CHODL: variants seen among roughly 807,000 people sequenced by gnomAD.
CHODL encodes the protein transmembrane protein MT75.
In CHODL, 29 loss-of-function variants were observed where a neutral mutation model predicts 34.5. The observed-to-expected ratio is 0.84, with a 90% CI of 0.63 to 1.15. CHODL has a LOEUF of 1.15. CHODL is among the 50% of genes most tolerant of loss of function. CHODL has a pLI of 0.00. For missense variants in CHODL, 332 were observed against 332.5 expected (o/e 1.00, Z 0.01); for synonymous variants, 125 against 116.1 (o/e 1.08, Z -0.49).
chr21:18,015,797 A>T (rs1314661612), intron 1 of CHODL, among the ~76,000 whole-genome samples: 1 of 152,228 alleles, frequency 6.6e-6, no homozygotes, highest in African/African-American at 2.4e-5. Context: ...GACTGGCAGC[A>T]TTGTGCCCCT....
chr21:17,948,689 A>G (rs1385017646), intron 1 of CHODL, among the ~76,000 whole-genome samples: 1 of 152,174 alleles, frequency 6.6e-6, no homozygotes, highest in Non-Finnish European at 1.5e-5. Context: ...CATACAATCT[A>G]TCAAGACTGA....
chr21:17,934,294 T>C (rs1163204445), intron 1 of CHODL, among the ~76,000 whole-genome samples: 2 of 149,800 alleles, frequency 1.3e-5, no homozygotes, highest in Non-Finnish European at 3.0e-5. Flanking sequence ...TGAAAGAAAA[T>C]ATATCACAAA....
chr21:17,961,640 G>C (rs533605479), intron 1 of CHODL, among the ~76,000 whole-genome samples: 4 of 152,322 alleles, frequency 2.6e-5, no homozygotes, highest in Admixed American at 2.6e-4. Flanking sequence ...CACAGTTCCT[G>C]AATGGTGATT....
At chr21:18,157,811 C>A (rs1365514330) in intron 2 of CHODL, among the ~76,000 whole-genome samples, 1 of 151,852 alleles carries the variant, frequency 6.6e-6, no homozygotes, top group Non-Finnish European at 1.5e-5. Flanking sequence ...TGACATATAC[C>A]AAATGGTCAT....
At chr21:18,115,878 C>G (rs1231296603) in intron 2 of CHODL, among the ~76,000 whole-genome samples, 1 of 152,158 alleles carries the variant, frequency 6.6e-6, no homozygotes, top group African/African-American at 2.4e-5. Context: ...TCCCACTCTG[C>G]TACAACTGCT....
intron 1 of CHODL, among the ~76,000 whole-genome samples, chr21:18,020,546 CAATTT>C (rs1289373381): frequency 6.6e-6 from 1 of 152,072 alleles, no homozygotes; most frequent in Non-Finnish European, 1.5e-5. Flanking sequence ...GAGATGAAAA[CAATTT>C]AATCTCTCAA....
chr21:18,195,332 G>A (rs1225874773), intron 2 of CHODL, among the ~76,000 whole-genome samples: 3 of 152,186 alleles, frequency 2.0e-5, no homozygotes, highest in Non-Finnish European at 4.4e-5. Flanking sequence ...GGGATTACAG[G>A]CGTGAGCCAC....
At chr21:18,129,710 A>G (rs931524086) in intron 2 of CHODL, among the ~76,000 whole-genome samples, 1 of 152,200 alleles carries the variant, frequency 6.6e-6, no homozygotes, top group African/African-American at 2.4e-5. Flanking sequence ...GATATTTATC[A>G]AATTCTCCCT....
intron 2 of CHODL, among the ~76,000 whole-genome samples, chr21:18,174,143 A>ATATATATCTTGG (rs2073272270): frequency 8.3e-6 from 1 of 120,846 alleles, no homozygotes; most frequent in Non-Finnish European, 1.8e-5. Context: ...ATATATATAT[A>ATATATATCTTGG]TATATATATA....
At chr21:17,986,729 G>GAATC in intron 1 of CHODL, among the ~76,000 whole-genome samples, 1 of 152,282 alleles carries the variant, frequency 6.6e-6, no homozygotes, top group South Asian at 2.1e-4. Flanking sequence ...GGTCCTTGAG[G>GAATC]AATCGCCACA....
At chr21:18,082,002 T>C (rs1394911922) in intron 2 of CHODL, among the ~76,000 whole-genome samples, 1 of 152,200 alleles carries the variant, frequency 6.6e-6, no homozygotes, top group Non-Finnish European at 1.5e-5. Context: ...CTGGAATAAA[T>C]CCCACCTGAT....
chr21:18,092,918 T>A (rs1429947503), intron 2 of CHODL, among the ~76,000 whole-genome samples: 1 of 152,074 alleles, frequency 6.6e-6, no homozygotes, highest in African/African-American at 2.4e-5. Context: ...GGTGGGAAAT[T>A]TATTCAAAGG....
At chr21:18,053,568 CA>C (rs2064542259) in intron 2 of CHODL, among the ~76,000 whole-genome samples, 1 of 151,926 alleles carries the variant, frequency 6.6e-6, no homozygotes, top group South Asian at 2.1e-4. Context: ...TTGATTCTAT[CA>C]AACTTTCAAG....
chr21:18,122,581 A>G (rs887438021), intron 2 of CHODL, among the ~76,000 whole-genome samples: 8 of 152,144 alleles, frequency 5.3e-5, no homozygotes, highest in Admixed American at 1.3e-4. Flanking sequence ...GGGCTCTTCC[A>G]ATGCCAGAGA....
chr21:18,016,105 C>G (rs547090835), intron 1 of CHODL, among the ~76,000 whole-genome samples: 1 of 152,328 alleles, frequency 6.6e-6, no homozygotes, highest in East Asian at 1.9e-4. Flanking sequence ...ATATTATTGG[C>G]CAAGACAATG....
chr21:17,983,544 G>A (rs1296796854), intron 1 of CHODL, among the ~76,000 whole-genome samples: 3 of 152,070 alleles, frequency 2.0e-5, no homozygotes, highest in Non-Finnish European at 4.4e-5. Flanking sequence ...ACTAAGTCTT[G>A]TCATTAGTTT....
chr21:18,199,131 T>C (rs972217314), intron 2 of CHODL, among the ~76,000 whole-genome samples: 3 of 152,096 alleles, frequency 2.0e-5, no homozygotes, highest in Non-Finnish European at 4.4e-5. Context: ...TTGATTTATT[T>C]GTCAGCTTTT....
chr21:18,152,256 T>C (rs1472142598), intron 2 of CHODL, among the ~76,000 whole-genome samples: 1 of 152,208 alleles, frequency 6.6e-6, no homozygotes, highest in African/African-American at 2.4e-5. Flanking sequence ...TATAGTGTCA[T>C]CTACAAAATA....
At chr21:18,168,779 T>A (rs1349209371) in intron 2 of CHODL, among the ~76,000 whole-genome samples, 2 of 152,188 alleles carry the variant, frequency 1.3e-5, no homozygotes, top group Non-Finnish European at 2.9e-5. Flanking sequence ...ATGAAGTAAA[T>A]GTCTTGCTTT....
Sources: allele counts gnomAD v4.1 joint callset (sites outside exome capture counted in the v4.1 genomes callset), GRCh38; gene constraint gnomAD v4.1.1; transcripts MANE v1.5; gene names NCBI Gene and HGNC (gene_info 2026-07-23, HGNC 2026-07-21).